PTPRE: variants seen among roughly 807,000 people sequenced by gnomAD.
The protein encoded by PTPRE is receptor-type tyrosine-protein phosphatase epsilon.
A neutral mutation model predicts 102.0 loss-of-function variants in PTPRE; 51 were observed. That is an observed-to-expected ratio of 0.50 (90% CI 0.40 to 0.63). PTPRE has a LOEUF of 0.63. Ranked by LOEUF, PTPRE falls within the 30% of genes least tolerant of loss-of-function variation. The pLI is 0.00. For synonymous variants in PTPRE, 345 were observed against 348.2 expected, an observed-to-expected ratio of 0.99 and a Z score of 0.10; for missense variants, 752 against 915.1, an observed-to-expected ratio of 0.82 and a Z score of 2.30.
chr10:127,921,113 G>T (rs1846568420), intron 1 of PTPRE, among the ~76,000 whole-genome samples: 1 of 152,234 alleles, frequency 6.6e-6, no homozygotes, highest in Admixed American at 6.5e-5. Flanking sequence ...CCTATTTTCA[G>T]TGGGGGTCCA....
At chr10:127,995,391 G>A (rs544562503) in intron 2 of PTPRE, among the ~76,000 whole-genome samples, 215 of 152,262 alleles carry the variant, frequency 1.4e-3, no homozygotes, top group Non-Finnish European at 2.6e-3. Flanking sequence ...TCTTCCATCC[G>A]CGTCCCTGGA....
At chr10:128,039,732 G>T (rs1309599751) in intron 2 of PTPRE, among the ~76,000 whole-genome samples, 1 of 151,706 alleles carries the variant, frequency 6.6e-6, no homozygotes, top group Non-Finnish European at 1.5e-5. Context: ...GAGGCCTCAG[G>T]CAGGAGGGCT....
intron 2 of PTPRE, among the ~76,000 whole-genome samples, chr10:128,034,141 G>A (rs1450774960): frequency 2.0e-5 from 3 of 152,136 alleles, no homozygotes; most frequent in African/African-American, 7.2e-5. Context: ...TCATCAATCA[G>A]ATTCTAGAAA....
intron 1 of PTPRE, among the ~76,000 whole-genome samples, chr10:127,931,923 T>C (rs1355729250): frequency 6.6e-6 from 1 of 152,210 alleles, no homozygotes; most frequent in Non-Finnish European, 1.5e-5. Context: ...TTTTAACTAT[T>C]TGGGATATTT....
intron 2 of PTPRE, among the ~76,000 whole-genome samples, chr10:127,997,403 T>G (rs2135536641): frequency 1.3e-5 from 2 of 152,188 alleles, no homozygotes; most frequent in Middle Eastern, 3.4e-3. Context: ...ATCAACATCC[T>G]CCCCCAACCT....
At chr10:127,943,015 TTA>T (rs1392025297) in intron 1 of PTPRE, among the ~76,000 whole-genome samples, 3 of 152,174 alleles carry the variant, frequency 2.0e-5, no homozygotes, top group African/African-American at 4.8e-5. Flanking sequence ...GGTGACTTTC[TTA>T]TCTCTTTGAT....
chr10:127,964,640 T>C (rs1850099013), intron 1 of PTPRE, among the ~76,000 whole-genome samples: 1 of 152,014 alleles, frequency 6.6e-6, no homozygotes, highest in African/African-American at 2.4e-5. Flanking sequence ...TATTAATAAG[T>C]CTCACTGTCT....
intron 2 of PTPRE, among the ~76,000 whole-genome samples, chr10:128,001,093 G>A (rs1723276285): frequency 1.3e-5 from 2 of 152,164 alleles, no homozygotes; most frequent in African/African-American, 4.8e-5. Flanking sequence ...AGAGAAACTA[G>A]GCTAAAACAA....
At position 128,070,243 on chromosome 10, in the gene PTPRE, C is replaced by T. The variant is rs1427585046; in HGVS notation, c.1144-58C>T. ...GCCCTCTTTGGTCTGCCAAGCTCCA[C>T]GTGGGCCAAGACTGCAGGGCAGAGT... is the stretch of plus-strand genomic sequence containing the variant. On this transcript the variant is annotated intron_variant, in intron 13 of 20. Coordinates refer to ENST00000254667, the MANE Select transcript of PTPRE (RefSeq NM_006504.6). This position sits in a 1 kb window ranked among gnomAD's most constrained non-coding sequence, Gnocchi z 4.8. 20 of 1,525,928 alleles carry T rather than the reference C, an allele frequency of 1.3e-5. No individual in the cohort carries two copies. Among genetic ancestry groups the T allele is most frequent in the African/African-American group, 1.1e-4 (8 of 72,248 alleles). The allele number at this position is 1,525,928 out of a possible 1,614,324, so 94.5% of individuals were successfully genotyped here.
At chr10:127,914,787 C>T (rs1475416180) in intron 1 of PTPRE, among the ~76,000 whole-genome samples, 1 of 152,136 alleles carries the variant, frequency 6.6e-6, no homozygotes, top group African/African-American at 2.4e-5. Flanking sequence ...TCTTGTCAAC[C>T]GAGGAGACCT....
At chr10:128,075,283 C>CT (rs1165742244) in intron 17 of PTPRE, among the ~76,000 whole-genome samples, 1 of 152,142 alleles carries the variant, frequency 6.6e-6, no homozygotes, top group Non-Finnish European at 1.5e-5. Flanking sequence ...CCTGTACATT[C>CT]TTTTTTTAAA....
intron 3 of PTPRE, among the ~76,000 whole-genome samples, chr10:128,043,409 G>A (rs1193608733): frequency 6.6e-6 from 1 of 152,204 alleles, no homozygotes; most frequent in Non-Finnish European, 1.5e-5. Flanking sequence ...GGTCCTGTAA[G>A]AATCTAATGC....
intron 6 of PTPRE, among the ~76,000 whole-genome samples, chr10:128,050,091 C>A (rs1848432361): frequency 6.7e-6 from 1 of 149,178 alleles, no homozygotes; most frequent in African/African-American, 2.5e-5. Context: ...CGATGTTCCT[C>A]TTCTGAACCA....
intron 1 of PTPRE, chr10:127,929,383 G>C (rs1253772291): frequency 6.6e-6 from 1 of 152,124 alleles, no homozygotes; most frequent in East Asian, 1.9e-4. Context: ...GAGTTGCATG[G>C]CAAGTAGGTA....
chr10:128,061,285 A>C (rs916268694), intron 8 of PTPRE, among the ~76,000 whole-genome samples: 3 of 152,378 alleles, frequency 2.0e-5, no homozygotes, highest in South Asian at 2.1e-4. Flanking sequence ...GTAGTTAAAC[A>C]GATTGTGGTA....
intron 15 of PTPRE, 109 bp from the exon 16 acceptor site, chr10:128,072,029 G>T: frequency 2.6e-6 from 2 of 781,806 alleles, no homozygotes; most frequent in South Asian, 1.9e-5. Context: ...TTGGCTTTAC[G>T]TAGTGATTTT....
intron 2 of PTPRE, among the ~76,000 whole-genome samples, chr10:128,033,240 C>T (rs1846922976): frequency 6.6e-6 from 1 of 152,186 alleles, no homozygotes; most frequent in African/African-American, 2.4e-5. Flanking sequence ...TAATTTTGCT[C>T]ATCTTCAATT....
intron 2 of PTPRE, among the ~76,000 whole-genome samples, chr10:127,984,692 A>T (rs1643818572): frequency 6.6e-6 from 1 of 152,170 alleles, no homozygotes; most frequent in South Asian, 2.1e-4. Flanking sequence ...GTAGTGAATA[A>T]GTCTCACGAG....
At chr10:127,987,509 C>T (rs1040707391) in intron 2 of PTPRE, 11 of 415,662 alleles carry the variant, frequency 2.6e-5, no homozygotes, top group African/African-American at 6.3e-5. Flanking sequence ...ACCAGGAAGG[C>T]GTCGTTAAAT....
Sources: allele counts gnomAD v4.1 joint callset (sites outside exome capture counted in the v4.1 genomes callset), GRCh38; gene constraint gnomAD v4.1.1; non-coding constraint Gnocchi (gnomAD v3.1); transcripts MANE v1.5; gene names NCBI Gene and HGNC (gene_info 2026-07-23, HGNC 2026-07-21).